ARK2N: variants seen among roughly 807,000 people sequenced by gnomAD.
ARK2N encodes arkadia (RNF111) N-terminal like PKA signaling regulator 2N, also known as protein ARK2N.
the ARK2N span, among the ~76,000 whole-genome samples, chr18:46,225,030 A>G: frequency 6.6e-6 from 1 of 152,254 alleles, no homozygotes; most frequent in African/African-American, 2.4e-5. Context: ...GCAGTGGCCT[A>G]GAAGAGGCCA....
the ARK2N span, among the ~76,000 whole-genome samples, chr18:46,249,280 A>T: frequency 6.6e-6 from 1 of 152,012 alleles, no homozygotes; most frequent in Non-Finnish European, 1.5e-5. Context: ...CCCAGGCTGG[A>T]GTGCAGCGGC....
chr18:46,199,938 T>C, the ARK2N span, among the ~76,000 whole-genome samples: 2 of 152,126 alleles, frequency 1.3e-5, no homozygotes, highest in Admixed American at 1.3e-4. Context: ...GTGTGTGTGA[T>C]TTCTAGCTCG....
chr18:46,192,853 G>A, the ARK2N span, among the ~76,000 whole-genome samples: 2 of 147,246 alleles, frequency 1.4e-5, no homozygotes, highest in Non-Finnish European at 1.5e-5. Flanking sequence ...TACAGCAGAC[G>A]TGAGCCGCTA....
At chr18:46,191,349 A>T in the ARK2N span, among the ~76,000 whole-genome samples, 284 of 145,422 alleles carry the variant, frequency 2.0e-3, 2 homozygotes, top group Middle Eastern at 0.021. Flanking sequence ...TGTTTATTTA[A>T]TTTTTTTTTT....
chr18:46,234,279 C>G, the ARK2N span, among the ~76,000 whole-genome samples: 1 of 152,082 alleles, frequency 6.6e-6, no homozygotes, highest in African/African-American at 2.4e-5. Flanking sequence ...CTTACTGCAA[C>G]CTCTGCCTCC....
chr18:46,229,742 C>T, the ARK2N span, among the ~76,000 whole-genome samples: 5 of 151,746 alleles, frequency 3.3e-5, no homozygotes, highest in South Asian at 2.1e-4. Context: ...TAGCTGGGAC[C>T]GCAAATGTGT....
the ARK2N span, among the ~76,000 whole-genome samples, chr18:46,207,388 C>CT: frequency 0.43 from 49,401 of 115,816 alleles, 12,620 homozygotes; most frequent in Non-Finnish European, 0.53. Flanking sequence ...AGTTTCTATA[C>CT]TTTTTTTTTT....
chr18:46,185,296 C>CT, the ARK2N span, among the ~76,000 whole-genome samples: 1 of 152,158 alleles, frequency 6.6e-6, no homozygotes, highest in Non-Finnish European at 1.5e-5. Context: ...TAATTTGTTT[C>CT]TTTTCAGTTG....
At chr18:46,236,131 A>G in the ARK2N span, among the ~76,000 whole-genome samples, 1 of 152,244 alleles carries the variant, frequency 6.6e-6, no homozygotes. Context: ...TTTTAAATAA[A>G]AAGTAGTTGG....
chr18:46,230,369 C>T, the ARK2N span, among the ~76,000 whole-genome samples: 284 of 152,258 alleles, frequency 1.9e-3, 1 homozygote, highest in African/African-American at 6.6e-3. Flanking sequence ...GATTACATGA[C>T]GGCATTTTTA....
At chr18:46,248,631 G>T in the ARK2N span, among the ~76,000 whole-genome samples, 1 of 152,190 alleles carries the variant, frequency 6.6e-6, no homozygotes, top group South Asian at 2.1e-4. Context: ...CACCAGGCTG[G>T]AGTGCAGTGG....
the ARK2N span, among the ~76,000 whole-genome samples, chr18:46,249,364 G>A: frequency 6.6e-6 from 1 of 152,068 alleles, no homozygotes; most frequent in Non-Finnish European, 1.5e-5. Context: ...TGAGCAGCTG[G>A]GACTACAGGC....
chr18:46,264,284 AT>A, the ARK2N span: 1 of 152,636 alleles, frequency 6.6e-6, no homozygotes, highest in Non-Finnish European at 1.5e-5. Context: ...CAGCATTGGA[AT>A]TTTGTGGCAT....
the ARK2N span, among the ~76,000 whole-genome samples, chr18:46,184,551 G>A: frequency 5.9e-5 from 9 of 152,254 alleles, no homozygotes; most frequent in East Asian, 1.9e-4. Flanking sequence ...GTGAAACTCC[G>A]TCTCTCCTAA....
chr18:46,229,819 G>T, the ARK2N span, among the ~76,000 whole-genome samples: 4,716 of 151,928 alleles, frequency 0.031, 109 homozygotes, highest in Non-Finnish European at 0.046. Context: ...GCCCAGGCTG[G>T]TCTTAAACTC....
chr18:46,183,989 A>C, the ARK2N span, among the ~76,000 whole-genome samples: 2 of 150,032 alleles, frequency 1.3e-5, no homozygotes, highest in African/African-American at 5.0e-5. Flanking sequence ...ATGCCTGGCT[A>C]ATTTTTGTAT....
At chr18:46,213,810 C>A in the ARK2N span, among the ~76,000 whole-genome samples, 1 of 152,144 alleles carries the variant, frequency 6.6e-6, no homozygotes, top group African/African-American at 2.4e-5. Context: ...AGTTCTTTTG[C>A]CTCAGCCTCC....
the ARK2N span, chr18:46,228,775 TG>T: frequency 2.5e-6 from 1 of 398,432 alleles, no homozygotes; most frequent in African/African-American, 2.1e-5. Flanking sequence ...TCTGTTATGT[TG>T]TTCAGGCTGG....
At chr18:46,188,352 C>T in the ARK2N span, among the ~76,000 whole-genome samples, 2 of 152,142 alleles carry the variant, frequency 1.3e-5, no homozygotes, top group African/African-American at 4.8e-5. Flanking sequence ...AGGTGCCTGC[C>T]ACTACACCCG....
Sources: gnomAD v4.1 joint callset for allele counts (sites outside exome capture counted in the v4.1 genomes callset) on GRCh38, gnomAD v4.1.1 for gene constraint, MANE v1.5 for transcripts, NCBI Gene and HGNC (gene_info 2026-07-23, HGNC 2026-07-21) for gene names.